TNIK: variants seen among roughly 807,000 people sequenced by gnomAD.
The protein encoded by TNIK is TRAF2 and NCK-interacting protein kinase.
TNIK carries 49 observed loss-of-function variants against 191.3 expected under a neutral mutation model. The observed-to-expected ratio is 0.26, with a 90% CI of 0.20 to 0.32. TNIK has a LOEUF of 0.32. TNIK is among the 10% of genes least tolerant of loss of function. The probability of loss-of-function intolerance (pLI) is 1.00; values close to 1 mark genes in which losing one functional copy is unlikely to be tolerated. For missense variants in TNIK, 1,155 were observed against 1,702.3 expected (o/e 0.68, Z 5.66); for synonymous variants, 594 against 600.9 (o/e 0.99, Z 0.17).
At chr3:171,305,022 A>G (rs1256556096) in intron 2 of TNIK, among the ~76,000 whole-genome samples, 2 of 150,698 alleles carry the variant, frequency 1.3e-5, no homozygotes, top group East Asian at 1.9e-4. Context: ...AAAAAAAAAA[A>G]AAAGAAATTG....
At chr3:171,347,650 G>A (rs1314253282) in intron 2 of TNIK, among the ~76,000 whole-genome samples, 1 of 152,108 alleles carries the variant, frequency 6.6e-6, no homozygotes, top group Non-Finnish European at 1.5e-5. Context: ...GCAGCAATTT[G>A]GGGGAACTTC....
At chr3:171,087,684 A>G (rs367900947) in intron 23 of TNIK, among the ~76,000 whole-genome samples, 178 bp from the exon 24 acceptor site, 1 of 152,212 alleles carries the variant, frequency 6.6e-6, no homozygotes. Context: ...AGCTTTGCCA[A>G]TATTTAGTTT....
chr3:171,267,230 C>T (rs1748506494), intron 2 of TNIK, among the ~76,000 whole-genome samples: 1 of 152,156 alleles, frequency 6.6e-6, no homozygotes, highest in Non-Finnish European at 1.5e-5. Context: ...TGACATCTTG[C>T]TAAGAAGAGC....
At chr3:171,105,243 A>C (rs1168387702) in intron 21 of TNIK, among the ~76,000 whole-genome samples, 3 of 152,216 alleles carry the variant, frequency 2.0e-5, no homozygotes, top group Non-Finnish European at 4.4e-5. Flanking sequence ...GGTGTAGTTC[A>C]AAGTTTCTCA....
At chr3:171,303,273 G>A (rs1451604081) in intron 2 of TNIK, among the ~76,000 whole-genome samples, 1 of 152,128 alleles carries the variant, frequency 6.6e-6, no homozygotes, top group Non-Finnish European at 1.5e-5. Flanking sequence ...CTCTTTCTAT[G>A]CTTCAGAGAA....
intron 6 of TNIK, among the ~76,000 whole-genome samples, chr3:171,189,630 C>T (rs191577155): frequency 1.1e-4 from 17 of 152,274 alleles, no homozygotes; most frequent in Admixed American, 1.0e-3. Context: ...CCTCTCTGAG[C>T]TTCGGTTTCC....
intron 3 of TNIK, among the ~76,000 whole-genome samples, chr3:171,222,747 A>T (rs1742509105): frequency 6.6e-6 from 1 of 152,104 alleles, no homozygotes; most frequent in Non-Finnish European, 1.5e-5. Context: ...CATAAGCTTC[A>T]CCTACAGAAA....
chr3:171,271,784 T>C (rs1158428695), intron 2 of TNIK, among the ~76,000 whole-genome samples: 1 of 152,172 alleles, frequency 6.6e-6, no homozygotes, highest in Non-Finnish European at 1.5e-5. Flanking sequence ...CAAACCCGAA[T>C]TTAAAAGAAA....
intron 2 of TNIK, among the ~76,000 whole-genome samples, chr3:171,280,684 T>C (rs542445402): frequency 1.3e-5 from 2 of 151,292 alleles, no homozygotes; most frequent in African/African-American, 2.4e-5. Flanking sequence ...AAAAGAATGA[T>C]CTTTCAGAGA....
At chr3:171,449,018 T>C (rs868653602) in intron 1 of TNIK, among the ~76,000 whole-genome samples, 33 of 152,162 alleles carry the variant, frequency 2.2e-4, no homozygotes, top group African/African-American at 8.0e-4. Flanking sequence ...TTTTCTGTTC[T>C]TGTGTTAGTT....
At chr3:171,329,809 G>A (rs1461680158) in intron 2 of TNIK, among the ~76,000 whole-genome samples, 4 of 152,194 alleles carry the variant, frequency 2.6e-5, no homozygotes, top group Admixed American at 2.0e-4. Flanking sequence ...GTTGCAAGGA[G>A]CTGATCCTGC....
intron 4 of TNIK, among the ~76,000 whole-genome samples, chr3:171,198,367 T>C (rs1738984970): frequency 6.6e-6 from 1 of 151,810 alleles, no homozygotes; most frequent in African/African-American, 2.4e-5. Flanking sequence ...AGCAGACTAG[T>C]GGATGCCAGG....
chr3:171,423,353 A>G (rs1416806381), intron 1 of TNIK, among the ~76,000 whole-genome samples: 1 of 152,170 alleles, frequency 6.6e-6, no homozygotes, highest in African/African-American at 2.4e-5. Flanking sequence ...AAATGGAAGA[A>G]CATTTCATGC....
At chr3:171,405,020 A>T (rs763789532) in intron 1 of TNIK, among the ~76,000 whole-genome samples, 2 of 152,340 alleles carry the variant, frequency 1.3e-5, no homozygotes, top group East Asian at 3.9e-4. Flanking sequence ...AATAAAGGTG[A>T]CTGAGGGTTT....
chr3:171,420,577 A>G (rs1040842379), intron 1 of TNIK, among the ~76,000 whole-genome samples: 3 of 152,154 alleles, frequency 2.0e-5, no homozygotes, highest in African/African-American at 7.2e-5. Flanking sequence ...CAAGAATACT[A>G]CTGAACCCTA....
Position 171,088,454 on chromosome 3 carries a change from C to T in TNIK, c.2722-948G>A, listed in dbSNP as rs964716199. Among the ~76,000 whole-genome samples the T allele has an allele frequency of 5.9e-5, 9 of 152,198 alleles. No individual in the cohort carries two copies. The East Asian group carries it at 1.2e-3, about 20-fold the overall frequency. On this transcript the variant is annotated intron_variant, in intron 23 of 32. Transcript: ENST00000436636. ...TTCACCATGTTGGTCAGGCTGGTGT[C>T]GAATTCCTGACCTTGTGATCCACCC...
intron 2 of TNIK, among the ~76,000 whole-genome samples, chr3:171,260,451 T>C (rs1444360965): frequency 6.6e-6 from 1 of 152,014 alleles, no homozygotes; most frequent in Non-Finnish European, 1.5e-5. Context: ...CATCCCCACC[T>C]CCTCCCCAAG....
At chr3:171,205,515 G>C (rs896784928) in intron 4 of TNIK, among the ~76,000 whole-genome samples, 2 of 152,172 alleles carry the variant, frequency 1.3e-5, no homozygotes, top group Non-Finnish European at 2.9e-5. Flanking sequence ...TGAATGTGAT[G>C]GCAGAATTCC....
At chr3:171,091,954 C>CTTT (rs749686909) in intron 23 of TNIK, among the ~76,000 whole-genome samples, 2 of 144,294 alleles carry the variant, frequency 1.4e-5, no homozygotes, top group South Asian at 2.2e-4. Context: ...TTCTTTCTTT[C>CTTT]TTTTTTTTTT....
Sources: gnomAD v4.1 joint callset for allele counts (sites outside exome capture counted in the v4.1 genomes callset) on GRCh38, gnomAD v4.1.1 for gene constraint, MANE v1.5 for transcripts, NCBI Gene and HGNC (gene_info 2026-07-23, HGNC 2026-07-21) for gene names.